The following VPS26A variants were observed in gnomAD, a reference collection of about 807,000 sequenced individuals.
The protein encoded by VPS26A is vacuolar protein sorting-associated protein 26A.
VPS26A carries 22 observed loss-of-function variants against 42.4 expected under a neutral mutation model. The ratio of observed to expected loss-of-function variants is 0.52; its 90% CI spans 0.37 to 0.74. The LOEUF (loss-of-function observed/expected upper bound fraction) is 0.74, where lower values mean the gene tolerates loss of function less well. Ranked by LOEUF, VPS26A falls within the 30% of genes least tolerant of loss-of-function variation. The probability of loss-of-function intolerance (pLI) is 0.00; values close to 1 mark genes in which losing one functional copy is unlikely to be tolerated. For synonymous variants in VPS26A, 110 were observed against 123.5 expected, an observed-to-expected ratio of 0.89 and a Z score of 0.73; for missense variants, 276 against 379.2, an observed-to-expected ratio of 0.73 and a Z score of 2.26.
chr10:69,127,515 T>A (rs1414611100), intron 1 of VPS26A, among the ~76,000 whole-genome samples: 1 of 149,034 alleles, frequency 6.7e-6, no homozygotes, highest in Non-Finnish European at 1.5e-5. Flanking sequence ...CTAGCGCCAC[T>A]GCACTCCGGC....
intron 5 of VPS26A, among the ~76,000 whole-genome samples, 177 bp from the exon 6 acceptor site, chr10:69,162,229 A>G (rs1841580051): frequency 6.6e-6 from 1 of 152,054 alleles, no homozygotes; most frequent in South Asian, 2.1e-4. Flanking sequence ...ACCTCAAGTG[A>G]TCCGCCCACC....
intron 4 of VPS26A, among the ~76,000 whole-genome samples, chr10:69,157,584 A>G (rs1042510292): frequency 1.3e-5 from 2 of 152,176 alleles, no homozygotes; most frequent in African/African-American, 4.8e-5. Context: ...TAAACTCTCA[A>G]TTCAGTGTCC....
chr10:69,173,294 C>T lies in VPS26A; in HGVS notation c.*2025C>T, dbSNP rs1410019447. 6.6e-6 allele frequency among the ~76,000 whole-genome samples: 1 copy of T among 152,108 alleles called. No homozygotes were observed. On this transcript the variant is annotated 3_prime_UTR_variant, in exon 9 of 9. Coordinates refer to ENST00000263559, the MANE Select transcript of VPS26A (RefSeq NM_004896.5). The stretch of plus-strand genomic sequence containing the variant: ...TTAAAATAACCAGGCCCGGGTCCTA[C>T]TCTGACCAATAAAATAAGAATCTCA...
chr10:69,155,756 C>G, intron 2 of VPS26A, 56 bp from the exon 3 acceptor site: 1 of 1,354,638 alleles, frequency 7.4e-7, no homozygotes, highest in East Asian at 2.3e-5. Flanking sequence ...AAGGAAGCTA[C>G]TAGTAGGCCC....
intron 6 of VPS26A, among the ~76,000 whole-genome samples, chr10:69,164,538 G>A (rs1841642470): frequency 6.6e-6 from 1 of 151,976 alleles, no homozygotes; most frequent in Admixed American, 6.6e-5. Context: ...AATATTAAGG[G>A]TAGCAAAAAT....
chr10:69,146,237 G>A (rs1292786315), intron 2 of VPS26A, among the ~76,000 whole-genome samples: 5 of 152,110 alleles, frequency 3.3e-5, no homozygotes, highest in African/African-American at 9.7e-5. Context: ...TGGGATTACA[G>A]GTGCCTGCCA....
intron 2 of VPS26A, among the ~76,000 whole-genome samples, chr10:69,155,575 T>A (rs1841415558): frequency 6.6e-6 from 1 of 152,234 alleles, no homozygotes; most frequent in East Asian, 1.9e-4. Flanking sequence ...TAAGGATTCC[T>A]TCTTAACAAA....
intron 2 of VPS26A, 141 bp from the exon 3 acceptor site, chr10:69,155,671 C>T (rs565707767): frequency 1.5e-6 from 1 of 672,610 alleles, no homozygotes; most frequent in Non-Finnish European, 2.6e-6. Context: ...TAACATCATC[C>T]TGATTTAGGT....
intron 8 of VPS26A, 64 bp from the exon 9 acceptor site, chr10:69,171,092 A>C: frequency 7.9e-7 from 1 of 1,272,454 alleles, no homozygotes; most frequent in Non-Finnish European, 1.1e-6. Context: ...TTGAAGTGGC[A>C]ATCAATAGAG....
intron 2 of VPS26A, among the ~76,000 whole-genome samples, chr10:69,136,596 T>G (rs1005155972): frequency 6.6e-6 from 1 of 151,932 alleles, no homozygotes; most frequent in Admixed American, 6.6e-5. Flanking sequence ...CTGTTGATAC[T>G]CAGTACCTAG....
At chr10:69,169,243 CATTATT>C (rs200634809) in intron 8 of VPS26A, among the ~76,000 whole-genome samples, 2 of 150,232 alleles carry the variant, frequency 1.3e-5, no homozygotes, top group African/African-American at 2.4e-5. Flanking sequence ...AACAAATATA[CATTATT>C]ATTATTATTA....
chr10:69,129,065 G>C (rs1308855814), intron 1 of VPS26A, among the ~76,000 whole-genome samples: 1 of 150,336 alleles, frequency 6.7e-6, no homozygotes, highest in African/African-American at 2.4e-5. Flanking sequence ...ACTCAAATGA[G>C]TTATAAATGT....
chr10:69,144,380 C>T (rs1841109533), intron 2 of VPS26A, among the ~76,000 whole-genome samples: 1 of 152,140 alleles, frequency 6.6e-6, no homozygotes, highest in South Asian at 2.1e-4. Flanking sequence ...AGTTTAACCA[C>T]CCTAAAAATT....
At chr10:69,149,956 C>G (rs1053974596) in intron 2 of VPS26A, among the ~76,000 whole-genome samples, 11 of 151,922 alleles carry the variant, frequency 7.2e-5, no homozygotes, top group African/African-American at 2.4e-4. Flanking sequence ...GTGGGCCAGG[C>G]TGGTCTCTTA....
At chr10:69,148,918 G>A (rs1841225120) in intron 2 of VPS26A, among the ~76,000 whole-genome samples, 2 of 151,988 alleles carry the variant, frequency 1.3e-5, no homozygotes, top group Non-Finnish European at 1.5e-5. Context: ...ACCACGCCCA[G>A]CTAATTGTTT....
chr10:69,124,810 T>C (rs1205708347), intron 1 of VPS26A, among the ~76,000 whole-genome samples: 1 of 152,234 alleles, frequency 6.6e-6, no homozygotes, highest in Non-Finnish European at 1.5e-5. Context: ...TGTTGACACT[T>C]GTAAAATGGG....
rs896033365 is a variant in VPS26A, at chr10:69,146,853, A to T, written c.154-8959A>T. On this transcript the variant is annotated intron_variant, in intron 2 of 8. Transcript: ENST00000263559. ...ATCAGTTGAGGACATTTGGGTTGGTACTATTTGACCATTATGAATAATACT... is the reference window on the plus strand; with the variant it reads ...ATCAGTTGAGGACATTTGGGTTGGTTCTATTTGACCATTATGAATAATACT... Among the ~76,000 whole-genome samples, 6 of 152,316 alleles carry T rather than the reference A, an allele frequency of 3.9e-5. No individual in the cohort carries two copies. The East Asian group carries it at 9.6e-4, about 24-fold the overall frequency.
At chr10:69,167,906 CAT>C (rs1841727646) in intron 7 of VPS26A, among the ~76,000 whole-genome samples, 1 of 152,110 alleles carries the variant, frequency 6.6e-6, no homozygotes, top group South Asian at 2.1e-4. Context: ...AATTTATACA[CAT>C]GATTAGAAAT....
chr10:69,168,319 A>G (rs1370605696), intron 7 of VPS26A, among the ~76,000 whole-genome samples, 170 bp from the exon 8 acceptor site: 1 of 152,186 alleles, frequency 6.6e-6, no homozygotes, highest in Non-Finnish European at 1.5e-5. Flanking sequence ...ACAACAAAGA[A>G]TTATTCAGCC....
Sources: allele counts gnomAD v4.1 joint callset (sites outside exome capture counted in the v4.1 genomes callset), GRCh38; gene constraint gnomAD v4.1.1; transcripts MANE v1.5; gene names NCBI Gene and HGNC (gene_info 2026-07-23, HGNC 2026-07-21).